The following CLIC1 variants were observed in gnomAD, a reference collection of about 807,000 sequenced individuals.
The protein encoded by CLIC1 is chloride intracellular channel protein 1.
CLIC1 carries 16 observed loss-of-function variants against 26.4 expected under a neutral mutation model. The observed-to-expected ratio is 0.61, with a 90% CI of 0.41 to 0.92. The LOEUF (loss-of-function observed/expected upper bound fraction) is 0.92, where lower values mean the gene tolerates loss of function less well. Ranked by LOEUF, CLIC1 falls within the 40% of genes least tolerant of loss-of-function variation. The pLI is 0.00. For missense variants in CLIC1, 225 were observed against 289.7 expected (o/e 0.78, Z 1.62); for synonymous variants, 98 against 120.8 (o/e 0.81, Z 1.24).
chr6:31,731,538 G>T (rs1308428421), intron 5 of CLIC1, among the ~76,000 whole-genome samples: 1 of 152,226 alleles, frequency 6.6e-6, no homozygotes, highest in African/African-American at 2.4e-5. Flanking sequence ...CTAACCTCAG[G>T]TGGTCCACCA....
In CLIC1 at chr6:31,730,960, A is replaced by G; in HGVS notation, c.608T>C (p.Phe203Ser). The G allele has an allele frequency of 6.2e-7, 1 of 1,612,974 alleles. No individual in the cohort carries two copies. The highest frequency in any genetic ancestry group is 8.5e-7 in the Non-Finnish European group (1 of 1,179,998). Residue 203 changes from phenylalanine (F) to serine (S), a missense_variant, in exon 6 of 6, where the codon TTC (phenylalanine) becomes TCC (serine). Phe to Ser is a radical substitution (Grantham distance 155). Coordinates refer to ENST00000375784, the Ensembl canonical transcript of CLIC1. The surrounding 1 kb of genome is among the most constrained non-coding windows in gnomAD (Gnocchi z 5.1). ...GCTCAAGTACCGATGCACTCCCCGG[A>G]AGGCCTCGGGGATGGTGAATCCCCG...
Position 31,730,765 on chromosome 6 carries a change from C to T in CLIC1, c.*77G>A. 1 of 1,500,436 alleles carries T rather than the reference C, an allele frequency of 6.7e-7. No homozygotes were observed. The highest frequency in any genetic ancestry group is 9.2e-7 in the Non-Finnish European group (1 of 1,087,246). 92.9% of individuals were successfully genotyped at this position (1,500,436 alleles called of 1,614,324 possible). On this transcript the variant is annotated 3_prime_UTR_variant, in exon 6 of 6. Coordinates refer to ENST00000375784, the Ensembl canonical transcript of CLIC1. The surrounding 1 kb of genome is among the most constrained non-coding windows in gnomAD (Gnocchi z 5.1). ...GCCCACTGGCCATTTTGGAGTGTGT[C>T]CATTGGGTAGCAATGTGGAAACCAC...
Position 31,736,319 on chromosome 6 carries a change from G to T in CLIC1, c.-19C>A, listed in dbSNP as rs1367158377. 1 of 1,612,730 alleles carries T rather than the reference G, an allele frequency of 6.2e-7. No individual in the cohort carries two copies. The highest frequency in any genetic ancestry group is 1.3e-5 in the African/African-American group (1 of 74,902). On this transcript the variant is annotated 5_prime_UTR_variant, in exon 1 of 6. Transcript: ENST00000375784. This position sits in a 1 kb window ranked among gnomAD's most constrained non-coding sequence, Gnocchi z 5.0. Reference sequence around the variant, plus strand: ...CAGCCATGGTTGCGTCGGGGACCAGGAAGTGGCCGTCCCTGGGGGAACTGG... The same window carrying T: ...CAGCCATGGTTGCGTCGGGGACCAGTAAGTGGCCGTCCCTGGGGGAACTGG...
At position 31,733,912 on chromosome 6, in the gene CLIC1, G is replaced by A; in HGVS notation, c.199C>T (p.Leu67=). Residue 67 remains leucine (L), a synonymous_variant, in exon 3 of 6, where the codon CTG becomes TTG. Transcript: ENST00000375784. The surrounding 1 kb of genome is among the most constrained non-coding windows in gnomAD (Gnocchi z 5.4). ...GTGTGCACTTCAGTGCCATACAGCA[G>A]GAATGGGAGCTGCCCCCCTGGGCAC... The A allele has an allele frequency of 1.2e-6, 2 of 1,614,112 alleles. No homozygotes were observed. The highest frequency in any genetic ancestry group is 1.1e-5 in the South Asian group (1 of 91,082).
chr6:31,735,546 C>T (rs762809367), intron 1 of CLIC1, among the ~76,000 whole-genome samples: 1 of 151,966 alleles, frequency 6.6e-6, no homozygotes, highest in Non-Finnish European at 1.5e-5. Flanking sequence ...ATGCCCTAAC[C>T]GAGCTCTTCT....
rs951128629 is a variant in CLIC1, at chr6:31,733,484, G to A, written c.382+82C>T. The A allele has an allele frequency of 1.2e-5, 11 of 940,250 alleles. No homozygotes were observed. The highest frequency in any genetic ancestry group is 7.4e-5 in the East Asian group (3 of 40,736). The allele number at this position is 940,250 out of a possible 1,614,324, so 58.2% of individuals were successfully genotyped here. ...TGCTTCATCTCCCTGATATCTGAAC[G>A]TCCAGGTGCCCCTAATGTCTCCTAC... is the stretch of plus-strand genomic sequence containing the variant. On this transcript the variant is annotated intron_variant, in intron 4 of 5. Coordinates refer to ENST00000375784, the Ensembl canonical transcript of CLIC1. This position sits in a 1 kb window ranked among gnomAD's most constrained non-coding sequence, Gnocchi z 5.4.
chr6:31,735,850 C>CACACACACAA, intron 1 of CLIC1, among the ~76,000 whole-genome samples: 1 of 148,234 alleles, frequency 6.7e-6, no homozygotes, highest in South Asian at 2.1e-4. Flanking sequence ...CACACACACA[C>CACACACACAA]CTCTCCTACT....
intron 5 of CLIC1, among the ~76,000 whole-genome samples, chr6:31,731,729 T>C (rs1807965326): frequency 6.6e-6 from 1 of 152,270 alleles, no homozygotes; most frequent in Admixed American, 6.5e-5. Flanking sequence ...TACACAGATG[T>C]TCACTACATA....
Position 31,732,460 on chromosome 6 carries a change from C to T in CLIC1, c.383-62G>A, listed in dbSNP as rs1217705930. On this transcript the variant is annotated intron_variant, in intron 4 of 5. Coordinates refer to ENST00000375784, the Ensembl canonical transcript of CLIC1. The surrounding 1 kb of genome is among the most constrained non-coding windows in gnomAD (Gnocchi z 5.0). ...AAGATTGACATAGTCCGAAAAGGCC[C>T]GTTGGGGGTGGATACTAATGGTGAG... is the stretch of plus-strand genomic sequence containing the variant. The T allele has an allele frequency of 7.1e-6, 9 of 1,273,320 alleles. No homozygotes were observed. Among genetic ancestry groups the T allele is most frequent in the Non-Finnish European group, 9.3e-6 (9 of 966,180 alleles). The allele number at this position is 1,273,320 out of a possible 1,614,324, so 78.9% of individuals were successfully genotyped here. A position where few individuals can be genotyped will look rare whatever the true frequency, so the allele number is the denominator to read the frequency against.
chr6:31,736,701 C>G, upstream of CLIC1: 1 of 1,046,644 alleles, frequency 9.6e-7, no homozygotes, highest in Non-Finnish European at 1.2e-6. The surrounding 1 kb of genome is among the most constrained non-coding windows in gnomAD (Gnocchi z 5.0). Context: ...TCTCCGACCT[C>G]TCCTGAACAC....
rs1446540286 is a variant in CLIC1 at position 31,733,331 on chromosome 6, A to G, written c.382+235T>C. 6.6e-6 allele frequency among the ~76,000 whole-genome samples: 1 copy of G among 152,180 alleles called. No homozygotes were observed. The highest frequency in any genetic ancestry group is 2.4e-5 in the African/African-American group (1 of 41,430). On this transcript the variant is annotated intron_variant, in intron 4 of 5. Coordinates refer to ENST00000375784, the Ensembl canonical transcript of CLIC1. This position sits in a 1 kb window ranked among gnomAD's most constrained non-coding sequence, Gnocchi z 5.4. ...CCAGAAAACAGGCCAGCAGCCAACT[A>G]ACGTCCTCAGTGGGGCAGAAGAGGC...
chr6:31,734,333 C>T lies in CLIC1; in HGVS notation c.40-70G>A, dbSNP rs1808196162. 6 of 1,152,260 alleles carry T rather than the reference C, an allele frequency of 5.2e-6. No individual in the cohort carries two copies. Among genetic ancestry groups the T allele is most frequent in the African/African-American group, 1.5e-5 (1 of 66,070 alleles). 71.4% of individuals were successfully genotyped at this position (1,152,260 alleles called of 1,614,324 possible). On this transcript the variant is annotated intron_variant, in intron 1 of 5. Coordinates refer to ENST00000375784, the Ensembl canonical transcript of CLIC1. The surrounding 1 kb of genome is among the most constrained non-coding windows in gnomAD (Gnocchi z 5.3). The stretch of plus-strand genomic sequence containing the variant: ...CCATCCCTAGGCCAGTCCCTGCATT[C>T]CCACTCCCAGACCAGCTGTTTTCTG...
In CLIC1 at chr6:31,733,130, A is replaced by G. The variant is rs12523679; in HGVS notation, c.382+436T>C. 3.7e-5 allele frequency among the ~76,000 whole-genome samples: 4 copies of G among 108,774 alleles called. No individual in the cohort carries two copies. The highest frequency in any genetic ancestry group is 1.0e-4 in the Admixed American group (1 of 9,570). 71.4% of individuals were successfully genotyped at this position (108,774 alleles called of 152,430 possible). A position where few individuals can be genotyped will look rare whatever the true frequency, so the allele number is the denominator to read the frequency against. On this transcript the variant is annotated intron_variant, in intron 4 of 5. Transcript: ENST00000375784. The surrounding 1 kb of genome is among the most constrained non-coding windows in gnomAD (Gnocchi z 5.4). ...ACGAGACTCCATCTCAAAAAAAAAG[A>G]AAAAAAAAAATTTATATCAACCCAT...
In CLIC1 at chr6:31,732,638, T is replaced by A. The variant is rs1319042586; in HGVS notation, c.383-240A>T. Among the ~76,000 whole-genome samples the A allele has an allele frequency of 2.0e-5, 3 of 151,912 alleles. No individual in the cohort carries two copies. The highest frequency in any genetic ancestry group is 4.4e-5 in the Non-Finnish European group (3 of 67,960). On this transcript the variant is annotated intron_variant, in intron 4 of 5. Coordinates refer to ENST00000375784, the Ensembl canonical transcript of CLIC1. The surrounding 1 kb of genome is among the most constrained non-coding windows in gnomAD (Gnocchi z 5.0). ...CCGGCTCACTGCAACCTCTGCCTCC[T>A]AGATTCAAATGATTCTCCTGCCTCA...
intron 1 of CLIC1, among the ~76,000 whole-genome samples, chr6:31,735,782 ACC>A (rs1220127982): frequency 2.1e-5 from 3 of 140,352 alleles, no homozygotes; most frequent in Non-Finnish European, 4.6e-5. Flanking sequence ...CCCTCAACAC[ACC>A]GTCTTCCCTG....
chr6:31,732,151 C>T lies in CLIC1; in HGVS notation c.564+66G>A. ...TCTTTAGAGTGGTTGTCAGGGGAAG[C>T]CCATGTGGGAGCTCCTTAAAGGGCC... is the stretch of plus-strand genomic sequence containing the variant. On this transcript the variant is annotated intron_variant, in intron 5 of 5. Transcript: ENST00000375784. This position sits in a 1 kb window ranked among gnomAD's most constrained non-coding sequence, Gnocchi z 5.0. The T allele has an allele frequency of 7.8e-7, 1 of 1,277,114 alleles. No homozygotes were observed. The highest frequency in any genetic ancestry group is 1.0e-6 in the Non-Finnish European group (1 of 973,544). The allele number at this position is 1,277,114 out of a possible 1,614,324, so 79.1% of individuals were successfully genotyped here.
Position 31,732,507 on chromosome 6 carries a change from A to C in CLIC1, c.383-109T>G. The C allele has an allele frequency of 3.3e-6, 2 of 612,206 alleles. No individual in the cohort carries two copies. The highest frequency in any genetic ancestry group is 5.1e-6 in the Non-Finnish European group (2 of 388,952). The allele number at this position is 612,206 out of a possible 1,614,324, so 37.9% of individuals were successfully genotyped here. A position where few individuals can be genotyped will look rare whatever the true frequency, so the allele number is the denominator to read the frequency against. ...TGAGTCCAAAATAATAATAGCTAACACTCATGTAGTTACTTTTCTATGTGT... is the reference window on the plus strand; with the variant it reads ...TGAGTCCAAAATAATAATAGCTAACCCTCATGTAGTTACTTTTCTATGTGT... On this transcript the variant is annotated intron_variant, in intron 4 of 5. Transcript: ENST00000375784. The surrounding 1 kb of genome is among the most constrained non-coding windows in gnomAD (Gnocchi z 5.0).
rs781555767 is a variant in CLIC1 at position 31,730,839 on chromosome 6, G to A, written c.*3C>T. 5 of 1,612,890 alleles carry A rather than the reference G, an allele frequency of 3.1e-6. No homozygotes were observed. In the East Asian group the frequency reaches 6.7e-5, roughly 22 times the overall value. On this transcript the variant is annotated 3_prime_UTR_variant, in exon 6 of 6. Coordinates refer to ENST00000375784, the Ensembl canonical transcript of CLIC1. The surrounding 1 kb of genome is among the most constrained non-coding windows in gnomAD (Gnocchi z 5.1). Reference sequence around the variant, plus strand: ...AGGGGGTTGAGGGAGTCCCAGGAGGGGCTTATTTGAGGGCCTTTGCCACTT... The same window carrying A: ...AGGGGGTTGAGGGAGTCCCAGGAGGAGCTTATTTGAGGGCCTTTGCCACTT...
Position 31,732,304 on chromosome 6 carries a change from A to C in CLIC1, c.477T>G (p.Asp159Glu). 6.3e-7 allele frequency: 1 copy of C among 1,599,326 alleles called. No homozygotes were observed. The highest frequency in any genetic ancestry group is 8.5e-7 in the Non-Finnish European group (1 of 1,173,644). Residue 159 changes from aspartate to glutamate, a missense_variant, in exon 5 of 6, where the codon GAT becomes GAG. Asp to Glu is a conservative substitution (Grantham distance 45). Coordinates refer to ENST00000375784, the Ensembl canonical transcript of CLIC1. The surrounding 1 kb of genome is among the most constrained non-coding windows in gnomAD (Gnocchi z 5.0). ...AAAACTTCCTCTGAGAGACACCTTC[A>C]TCTTCAGCACTGGTTTCATCCACTT...
Sources: allele counts gnomAD v4.1 joint callset (sites outside exome capture counted in the v4.1 genomes callset), GRCh38; gene constraint gnomAD v4.1.1; non-coding constraint Gnocchi (gnomAD v3.1); transcripts MANE v1.5; gene names NCBI Gene and HGNC (gene_info 2026-07-23, HGNC 2026-07-21).